LARGE1: variants seen among roughly 807,000 people sequenced by gnomAD.
The protein encoded by LARGE1 is xylosyl- and glucuronyltransferase LARGE1.
A neutral mutation model predicts 87.6 loss-of-function variants in LARGE1; 43 were observed. The ratio of observed to expected loss-of-function variants is 0.49; its 90% confidence interval spans 0.38 to 0.63. The LOEUF (loss-of-function observed/expected upper bound fraction) is 0.63. Ranked by LOEUF, LARGE1 falls within the 30% of genes least tolerant of loss-of-function variation. The probability of loss-of-function intolerance (pLI) is 0.00; values close to 1 mark genes in which losing one functional copy is unlikely to be tolerated. For synonymous variants in LARGE1, 434 were observed against 394.6 expected (o/e 1.10, Z -1.18); for missense variants, 802 against 1,000.2 (o/e 0.80, Z 2.67).
intron 2 of LARGE1, among the ~76,000 whole-genome samples, chr22:33,740,066 C>T (rs976096588): frequency 1.3e-5 from 2 of 152,150 alleles, no homozygotes; most frequent in African/African-American, 4.8e-5. Flanking sequence ...GTTAAACATG[C>T]CGATCCCTAA....
At chr22:33,157,858 C>T (rs1175199836), downstream of LARGE1, among the ~76,000 whole-genome samples, 1 of 152,116 alleles carries the variant, frequency 6.6e-6, no homozygotes, top group Non-Finnish European at 1.5e-5. Flanking sequence ...AAAGGAGTTA[C>T]ATCTTTAGAG....
chr22:33,824,864 A>G (rs1237600010), intron 1 of LARGE1, among the ~76,000 whole-genome samples: 1 of 152,256 alleles, frequency 6.6e-6, no homozygotes, highest in Non-Finnish European at 1.5e-5. Context: ...ACTGAATATA[A>G]TAACAGCTAT....
At chr22:33,141,104 T>C in the LARGE1 span, among the ~76,000 whole-genome samples, 2 of 151,782 alleles carry the variant, frequency 1.3e-5, no homozygotes, top group African/African-American at 4.8e-5. Context: ...AAGTAGAACA[T>C]AATATCTACT....
chr22:33,120,398 C>CT, the LARGE1 span, among the ~76,000 whole-genome samples: 8 of 94,016 alleles, frequency 8.5e-5, no homozygotes, highest in Non-Finnish European at 1.4e-4. Context: ...TTCTTTCTTT[C>CT]TTTCTTTCTT....
intron 1 of LARGE1, among the ~76,000 whole-genome samples, chr22:33,802,299 G>C (rs1193929403): frequency 1.3e-5 from 2 of 152,198 alleles, no homozygotes; most frequent in Non-Finnish European, 2.9e-5. Flanking sequence ...CTACAGAGAT[G>C]GCTTCAGTCC....
chr22:33,141,686 T>G, the LARGE1 span, among the ~76,000 whole-genome samples: 2 of 152,146 alleles, frequency 1.3e-5, no homozygotes, highest in East Asian at 1.9e-4. Flanking sequence ...TCCAAGCCAT[T>G]TAAGACAAGC....
At chr22:33,460,318 C>G (rs2283907) in intron 6 of LARGE1, among the ~76,000 whole-genome samples, 25,545 of 151,992 alleles carry the variant, frequency 0.17, 2,378 homozygotes, top group East Asian at 0.28. Flanking sequence ...ATATAGGTAC[C>G]TGGTACCCAT....
At chr22:33,104,382 G>C in the LARGE1 span, among the ~76,000 whole-genome samples, 1 of 152,236 alleles carries the variant, frequency 6.6e-6, no homozygotes, top group Non-Finnish European at 1.5e-5. Context: ...TAGTCACACA[G>C]AGAAAGGGCT....
In LARGE1 at chr22:33,364,021, G is replaced by A. The variant is rs188385912; in HGVS notation, c.1131+17898C>T. On this transcript the variant is annotated intron_variant, in intron 9 of 14. Transcript: ENST00000397394. ...CCGTCTGTCCCACCAGGCCAATCTG[G>A]GTCTCAGAGTCCTGGTCAAAGTGCA... Among the ~76,000 whole-genome samples the A allele has an allele frequency of 1.3e-4, 19 of 149,008 alleles. No homozygotes were observed. The East Asian group carries it at 3.5e-3, about 27-fold the overall frequency.
At chr22:33,470,447 G>A (rs1332558237) in intron 6 of LARGE1, among the ~76,000 whole-genome samples, 1 of 152,156 alleles carries the variant, frequency 6.6e-6, no homozygotes, top group Non-Finnish European at 1.5e-5. Flanking sequence ...TCTATTTCAG[G>A]TATTGGGAAT....
intron 2 of LARGE1, among the ~76,000 whole-genome samples, chr22:33,669,434 T>C (rs1255573311): frequency 2.0e-5 from 3 of 152,198 alleles, no homozygotes. Flanking sequence ...ATTAGTATCC[T>C]CCTATTATAG....
At chr22:33,124,147 C>T in the LARGE1 span, among the ~76,000 whole-genome samples, 1 of 151,912 alleles carries the variant, frequency 6.6e-6, no homozygotes, top group Non-Finnish European at 1.5e-5. Context: ...ATTAGCCAGG[C>T]ATGGTGGTGG....
intron 10 of LARGE1, among the ~76,000 whole-genome samples, chr22:33,334,917 A>G (rs983689633): frequency 1.3e-5 from 2 of 152,176 alleles, no homozygotes; most frequent in Non-Finnish European, 2.9e-5. Flanking sequence ...GATTCCGAGA[A>G]AGACCACCGA....
intron 11 of LARGE1, among the ~76,000 whole-genome samples, chr22:33,211,496 G>A (rs1602098517): frequency 6.6e-6 from 1 of 152,176 alleles, no homozygotes; most frequent in Non-Finnish European, 1.5e-5. Flanking sequence ...TGTGAGGCTG[G>A]GCGTGGTGGC....
chr22:33,641,756 C>T (rs148166398), intron 3 of LARGE1, among the ~76,000 whole-genome samples: 140 of 151,808 alleles, frequency 9.2e-4, no homozygotes, highest in Middle Eastern at 3.4e-3. Context: ...TATCGATAGC[C>T]GAATCAATCA....
At position 33,396,787 on chromosome 22, in the gene LARGE1, G is replaced by A. The variant is rs371459089; in HGVS notation, c.893-12483C>T. 8.9e-4 allele frequency among the ~76,000 whole-genome samples: 135 copies of A among 152,264 alleles called. 2 individuals carry two copies. The South Asian group carries it at 0.026, about 29-fold the overall frequency. The stretch of plus-strand genomic sequence containing the variant: ...CATGTTGTGGGAAGTGGTTCTTTTA[G>A]ACAACAACACTTCACTCTTCCTCTT... On this transcript the variant is annotated intron_variant, in intron 7 of 14. Coordinates refer to ENST00000397394, the MANE Select transcript of LARGE1 (RefSeq NM_133642.5).
intron 11 of LARGE1, among the ~76,000 whole-genome samples, chr22:33,219,293 G>A (rs1282519940): frequency 2.0e-5 from 3 of 152,144 alleles, no homozygotes; most frequent in African/African-American, 7.2e-5. Context: ...TTTTCACCAC[G>A]AAGCCAGTGT....
chr22:33,306,388 G>C (rs1934933226), intron 11 of LARGE1, among the ~76,000 whole-genome samples: 1 of 152,212 alleles, frequency 6.6e-6, no homozygotes, highest in African/African-American at 2.4e-5. Context: ...CTAGCATGTA[G>C]ACATGAGACC....
At chr22:33,815,150 T>C (rs778783475) in intron 1 of LARGE1, among the ~76,000 whole-genome samples, 2 of 152,184 alleles carry the variant, frequency 1.3e-5, no homozygotes, top group Non-Finnish European at 2.9e-5. Flanking sequence ...CCAGCCAAAC[T>C]GGTTCTTCTC....
Sources: gnomAD v4.1 joint callset for allele counts (sites outside exome capture counted in the v4.1 genomes callset) on GRCh38, gnomAD v4.1.1 for gene constraint, MANE v1.5 for transcripts, NCBI Gene and HGNC (gene_info 2026-07-23, HGNC 2026-07-21) for gene names.